Variants in PCDH7 observed in about 807,000 individuals in gnomAD.
PCDH7 encodes the protein protocadherin-7.
A neutral mutation model predicts 58.9 loss-of-function variants in PCDH7; 17 were observed. The ratio of observed to expected loss-of-function variants is 0.29; its 90% CI spans 0.20 to 0.43. PCDH7 has a LOEUF of 0.43. PCDH7 is among the 20% of genes least tolerant of loss of function. The probability of loss-of-function intolerance (pLI) is 1.00; values close to 1 mark genes in which losing one functional copy is unlikely to be tolerated. For synonymous variants in PCDH7, 664 were observed against 616.4 expected (o/e 1.08, Z -1.14); for missense variants, 1,274 against 1,441.0 (o/e 0.88, Z 1.88).
At chr4:30,831,809 A>T (rs1277256613) in intron 1 of PCDH7, among the ~76,000 whole-genome samples, 3 of 152,164 alleles carry the variant, frequency 2.0e-5, no homozygotes, top group African/African-American at 7.2e-5. Context: ...TAGAGTTATT[A>T]TTGATGAATA....
intron 3 of PCDH7, among the ~76,000 whole-genome samples, chr4:31,075,610 C>T (rs760858755): frequency 2.0e-4 from 31 of 152,110 alleles, no homozygotes; most frequent in Non-Finnish European, 4.4e-4. Context: ...ACTTGGGACC[C>T]TCAAGACATG....
intron 1 of PCDH7, among the ~76,000 whole-genome samples, chr4:30,871,304 T>C (rs1399664472): frequency 2.6e-5 from 4 of 152,038 alleles, no homozygotes; most frequent in Non-Finnish European, 5.9e-5. Context: ...AGCATAGGGT[T>C]TTGCTCCATG....
intron 2 of PCDH7, among the ~76,000 whole-genome samples, chr4:30,946,042 T>A (rs567192300): frequency 6.6e-6 from 1 of 152,128 alleles, no homozygotes; most frequent in Non-Finnish European, 1.5e-5. Context: ...CTAGACTATC[T>A]ATGGTTGCAG....
At chr4:30,776,089 GTTCTTTTAAATTTTAT>G (rs1722035009) in intron 1 of PCDH7, among the ~76,000 whole-genome samples, 1 of 152,088 alleles carries the variant, frequency 6.6e-6, no homozygotes, top group East Asian at 1.9e-4. Context: ...CTCTGGATTT[GTTCTTTTAAATTTTAT>G]GACCTTTGGT....
rs559846515 is a variant in PCDH7, at chr4:30,740,814, AAC to A, written c.70+16220_70+16221del. 1.1e-3 allele frequency among the ~76,000 whole-genome samples: 173 copies of A among 152,252 alleles called. 1 individual carries two copies. The highest frequency in any genetic ancestry group is 3.7e-3 in the African/African-American group (155 of 41,560). On this transcript the variant is annotated intron_variant, in intron 1 of 3. Coordinates refer to the PCDH7 transcript ENST00000509759. ...AATTAAAATATGACCTATGTCATCT[AAC>A]AGTTTTTTAAAAAATATCATTTTAC...
chr4:31,002,771 A>G (rs908496320), intron 3 of PCDH7, among the ~76,000 whole-genome samples: 1 of 152,230 alleles, frequency 6.6e-6, no homozygotes, highest in African/African-American at 2.4e-5. Flanking sequence ...TGTATCTGTT[A>G]TATTGATTCT....
At chr4:30,813,795 C>T (rs779327910) in intron 1 of PCDH7, among the ~76,000 whole-genome samples, 9 of 152,142 alleles carry the variant, frequency 5.9e-5, no homozygotes, top group Non-Finnish European at 1.0e-4. Context: ...GCGCCTGCCA[C>T]CACACCCGGC....
chr4:31,111,165 A>G (rs1437909413), intron 3 of PCDH7, among the ~76,000 whole-genome samples: 1 of 152,194 alleles, frequency 6.6e-6, no homozygotes, highest in African/African-American at 2.4e-5. Context: ...TTATTATTAC[A>G]AACTGCAAAC....
chr4:30,878,309 G>A (rs1736540607), intron 1 of PCDH7, among the ~76,000 whole-genome samples: 1 of 152,110 alleles, frequency 6.6e-6, no homozygotes, highest in Non-Finnish European at 1.5e-5. Flanking sequence ...AGCATGATCC[G>A]ATTTTCACAC....
intron 1 of PCDH7, among the ~76,000 whole-genome samples, chr4:30,801,413 G>A (rs1036843553): frequency 6.6e-6 from 1 of 151,736 alleles, no homozygotes; most frequent in Non-Finnish European, 1.5e-5. Context: ...TGGAAGGAGA[G>A]CATAAAAGAA....
intron 1 of PCDH7, among the ~76,000 whole-genome samples, chr4:30,829,738 A>G (rs1000305685): frequency 5.9e-5 from 9 of 152,088 alleles, no homozygotes; most frequent in African/African-American, 1.9e-4. Context: ...GAACCAGACA[A>G]TTTGCATTAT....
intron 1 of PCDH7, among the ~76,000 whole-genome samples, chr4:30,767,823 A>G (rs1311409205): frequency 6.6e-6 from 1 of 152,202 alleles, no homozygotes; most frequent in Admixed American, 6.5e-5. Flanking sequence ...CAGAATAATA[A>G]AAAATTCTTT....
chr4:30,796,409 G>A (rs1010156877), intron 1 of PCDH7, among the ~76,000 whole-genome samples: 4 of 152,040 alleles, frequency 2.6e-5, no homozygotes, highest in Non-Finnish European at 4.4e-5. Context: ...ATATTGTATC[G>A]TGGAAATAGG....
At chr4:30,862,189 A>T (rs1385702709) in intron 1 of PCDH7, among the ~76,000 whole-genome samples, 1 of 152,190 alleles carries the variant, frequency 6.6e-6, no homozygotes, top group African/African-American at 2.4e-5. Context: ...AACGATAATA[A>T]GGTGTTGATA....
chr4:31,144,453 G>A (rs1471802819), downstream of PCDH7: 1 of 152,170 alleles, frequency 6.6e-6, no homozygotes, highest in Non-Finnish European at 1.5e-5. Flanking sequence ...TCAGACGAAA[G>A]TGACAATCCA....
chr4:31,141,558 C>T (rs1370302145), intron 3 of PCDH7, among the ~76,000 whole-genome samples: 1 of 152,196 alleles, frequency 6.6e-6, no homozygotes, highest in Non-Finnish European at 1.5e-5. Context: ...CAGACACATG[C>T]TTTCAATTAT....
intron 1 of PCDH7, among the ~76,000 whole-genome samples, chr4:30,820,769 A>T (rs1035962011): frequency 1.3e-5 from 2 of 152,118 alleles, no homozygotes; most frequent in African/African-American, 4.8e-5. Flanking sequence ...TGTGTAATTG[A>T]TCTATTTAGT....
intron 2 of PCDH7, among the ~76,000 whole-genome samples, chr4:30,944,683 C>T (rs1397262882): frequency 1.3e-5 from 2 of 152,184 alleles, no homozygotes; most frequent in African/African-American, 4.8e-5. Flanking sequence ...AACTGTAAGT[C>T]AGGAAGATAA....
chr4:30,781,865 G>A (rs973917462), intron 1 of PCDH7, among the ~76,000 whole-genome samples: 3 of 152,128 alleles, frequency 2.0e-5, no homozygotes, highest in African/African-American at 7.2e-5. Context: ...TAGCTAATCA[G>A]TGGTTGACTC....
Sources: gnomAD v4.1 joint callset for allele counts (sites outside exome capture counted in the v4.1 genomes callset) on GRCh38, gnomAD v4.1.1 for gene constraint, MANE v1.5 for transcripts, NCBI Gene and HGNC (gene_info 2026-07-23, HGNC 2026-07-21) for gene names.